The following ACACA variants were observed in gnomAD, a reference collection of about 807,000 sequenced individuals.
ACACA encodes acetyl-CoA carboxylase alpha, also known as acetyl-CoA carboxylase 1.
Under a neutral mutation model 296.1 loss-of-function variants are expected in ACACA, and 103 were observed. The observed-to-expected ratio is 0.35, with a 90% CI of 0.30 to 0.41. The LOEUF is 0.41. Ranked by LOEUF, ACACA falls within the 10% of genes least tolerant of loss-of-function variation. The pLI is 1.00. For synonymous variants in ACACA, 953 were observed against 1,038.6 expected (o/e 0.92, Z 1.58); for missense variants, 1,554 against 2,989.7 (o/e 0.52, Z 11.20).
At chr17:37,134,755 G>A (rs999283828) in intron 45 of ACACA, among the ~76,000 whole-genome samples, 2 of 152,146 alleles carry the variant, frequency 1.3e-5, no homozygotes, top group African/African-American at 2.4e-5. Context: ...CTGAGTCCTC[G>A]CTGCAATCCT....
intron 1 of ACACA, among the ~76,000 whole-genome samples, chr17:37,393,308 C>T (rs1254742889): frequency 6.6e-6 from 1 of 152,046 alleles, no homozygotes; most frequent in East Asian, 1.9e-4. Context: ...ATTTTGCCAT[C>T]TGTGACTTAG....
chr17:37,222,146 C>A, intron 28 of ACACA: 1 of 407,646 alleles, frequency 2.5e-6, no homozygotes, highest in Non-Finnish European at 4.6e-6. Flanking sequence ...CAAAAGACAG[C>A]ATATAGAACT....
intron 50 of ACACA, among the ~76,000 whole-genome samples, chr17:37,120,159 C>T (rs1416424760): frequency 2.0e-5 from 3 of 152,084 alleles, no homozygotes; most frequent in Admixed American, 1.3e-4. Context: ...TCCCAAAGTG[C>T]TGGGATTACA....
At chr17:37,108,516 G>A (rs1300235935) in intron 52 of ACACA, among the ~76,000 whole-genome samples, 2 of 151,994 alleles carry the variant, frequency 1.3e-5, no homozygotes, top group Admixed American at 6.5e-5. Flanking sequence ...AGCCTCCTGA[G>A]TAGCTGGGAC....
At chr17:37,376,153 A>G (rs370967445) in intron 1 of ACACA, 273 of 1,608,172 alleles carry the variant, frequency 1.7e-4, no homozygotes, top group Non-Finnish European at 2.1e-4. Context: ...CAAGAAAGGT[A>G]TGTAATTCTC....
chr17:37,139,079 A>C (rs911035388), intron 45 of ACACA, among the ~76,000 whole-genome samples: 1 of 152,200 alleles, frequency 6.6e-6, no homozygotes, highest in Non-Finnish European at 1.5e-5. Context: ...AGAGTAGCAA[A>C]GCTTCAAGTG....
intron 1 of ACACA, among the ~76,000 whole-genome samples, chr17:37,352,746 A>G (rs2048965482): frequency 6.6e-6 from 1 of 152,122 alleles, no homozygotes. Flanking sequence ...AAAAGAAAAG[A>G]AATTTCTTCC....
chr17:37,202,711 A>ATATATATATG (rs2078318193), intron 33 of ACACA, among the ~76,000 whole-genome samples: 1 of 14,472 alleles, frequency 6.9e-5, no homozygotes, highest in Non-Finnish European at 1.2e-4. Flanking sequence ...ATATATATAT[A>ATATATATATG]TACACACACA....
intron 3 of ACACA, among the ~76,000 whole-genome samples, chr17:37,302,962 A>G (rs1298703046): frequency 6.6e-6 from 1 of 152,118 alleles, no homozygotes; most frequent in East Asian, 1.9e-4. Context: ...ATTTCATTAT[A>G]TGTGTCATTT....
At chr17:37,329,045 G>A (rs932454151) in intron 3 of ACACA, 3 of 398,170 alleles carry the variant, frequency 7.5e-6, no homozygotes, top group Non-Finnish European at 1.3e-5. Flanking sequence ...ATCAAACATC[G>A]ATAAATAAAA....
chr17:37,156,699 A>C (rs1209027754), intron 42 of ACACA, among the ~76,000 whole-genome samples: 16 of 152,260 alleles, frequency 1.1e-4, no homozygotes, highest in Admixed American at 1.0e-3. Flanking sequence ...ACAGCCACAT[A>C]CAAAGTAGAG....
chr17:37,297,504 C>T (rs1008834163), intron 3 of ACACA, among the ~76,000 whole-genome samples: 7 of 144,434 alleles, frequency 4.8e-5, no homozygotes, highest in African/African-American at 8.0e-5. Context: ...TATATATGTG[C>T]GTGTGTTTGT....
At chr17:37,273,069 C>T (rs1242563125) in intron 9 of ACACA, among the ~76,000 whole-genome samples, 2 of 152,096 alleles carry the variant, frequency 1.3e-5, no homozygotes, top group Admixed American at 1.3e-4. Context: ...TACTCTTTTG[C>T]AAATTATAAC....
intron 29 of ACACA, chr17:37,221,379 G>T: frequency 3.0e-6 from 1 of 338,196 alleles, no homozygotes; most frequent in Non-Finnish European, 5.6e-6. Flanking sequence ...TGGTCTAATT[G>T]CTGATTTAAA....
At chr17:37,219,751 T>C (rs2079198783) in intron 29 of ACACA, among the ~76,000 whole-genome samples, 1 of 149,452 alleles carries the variant, frequency 6.7e-6, no homozygotes, top group African/African-American at 2.4e-5. Context: ...TATAATCTTA[T>C]AAAACTAAAT....
chr17:37,400,426 A>G (rs1165248249), intron 1 of ACACA, among the ~76,000 whole-genome samples: 3 of 152,040 alleles, frequency 2.0e-5, no homozygotes, highest in Admixed American at 2.0e-4. Flanking sequence ...GGCCTCAAGT[A>G]TATATTTTTA....
At chr17:37,119,336 T>A (rs192738245) in intron 50 of ACACA, among the ~76,000 whole-genome samples, 34 of 152,276 alleles carry the variant, frequency 2.2e-4, no homozygotes, top group Admixed American at 6.5e-4. Flanking sequence ...TTATTTTTGT[T>A]CTCTGAAGTG....
intron 1 of ACACA, among the ~76,000 whole-genome samples, chr17:37,348,567 T>A (rs2147435772): frequency 6.6e-6 from 1 of 152,328 alleles, no homozygotes; most frequent in East Asian, 1.9e-4. Context: ...TCTAGAATTT[T>A]AGACACAATA....
Position 37,275,984 on chromosome 17 carries a change from C to T in ACACA, c.868G>A (p.Ala290Thr). The T allele has an allele frequency of 6.2e-7, 1 of 1,614,192 alleles. No homozygotes were observed. The highest frequency in any genetic ancestry group is 1.3e-5 in the African/African-American group (1 of 75,056). ...CTCCAGGGAAGAGTTGGGATACCTG[C>T]AGTTTGAGCCACTATGGAAGATGCA... Reference protein sequence around the residue: ...KIASSIVAQTAGIPTLPWSGS... With the variant: ...KIASSIVAQTTGIPTLPWSGS... The change falls in exon 8 of 56, where the codon GCA becomes ACA. Residue 290 changes from alanine to threonine, a missense_variant. By Grantham distance (58) the Ala-to-Thr change is moderately conservative. Transcript: ENST00000616317.
Sources: allele counts gnomAD v4.1 joint callset (sites outside exome capture counted in the v4.1 genomes callset), GRCh38; gene constraint gnomAD v4.1.1; transcripts MANE v1.5; gene names NCBI Gene and HGNC (gene_info 2026-07-23, HGNC 2026-07-21).